Variants in ITFG1 observed in about 807,000 individuals in gnomAD.
ITFG1 encodes integrin alpha FG-GAP repeat containing 1.
In ITFG1, 34 loss-of-function variants were observed where a neutral mutation model predicts 81.8. The ratio of observed to expected loss-of-function variants is 0.42; its 90% CI spans 0.32 to 0.55. The LOEUF (loss-of-function observed/expected upper bound fraction) is 0.55, where lower values mean the gene tolerates loss of function less well. Among genes scored for constraint, ITFG1 ranks in the 20% least tolerant of loss-of-function variants. ITFG1 has a pLI of 0.17. For missense variants in ITFG1, 672 were observed against 755.4 expected, an observed-to-expected ratio of 0.89 and a Z score of 1.29; for synonymous variants, 285 against 270.6, an observed-to-expected ratio of 1.05 and a Z score of -0.52.
chr16:47,163,361 A>G lies in ITFG1; in HGVS notation c.1454-697T>C, dbSNP rs540394133. 2.0e-4 allele frequency among the ~76,000 whole-genome samples: 30 copies of G among 152,284 alleles called. No homozygotes were observed. In the East Asian group the frequency reaches 5.2e-3, roughly 26 times the overall value. ...GCTTTCTGACTCAATAGATTTGCCT[A>G]TTCTGAAGATTTCATATAAATGCAA... On this transcript the variant is annotated intron_variant, in intron 14 of 17. Coordinates refer to ENST00000320640, the MANE Select transcript of ITFG1 (RefSeq NM_030790.5).
chr16:47,430,812 A>G (rs1480483187), intron 5 of ITFG1, among the ~76,000 whole-genome samples: 1 of 152,210 alleles, frequency 6.6e-6, no homozygotes, highest in African/African-American at 2.4e-5. Flanking sequence ...CTGCATTTCT[A>G]CGCTTAGCTA....
chr16:47,431,494 G>C (rs565519939), intron 5 of ITFG1, among the ~76,000 whole-genome samples: 4 of 152,146 alleles, frequency 2.6e-5, no homozygotes, highest in Non-Finnish European at 5.9e-5. Flanking sequence ...CCTGTCCATG[G>C]AAAAACTGAG....
At chr16:47,327,908 G>A (rs949810943) in intron 8 of ITFG1, among the ~76,000 whole-genome samples, 24 of 152,230 alleles carry the variant, frequency 1.6e-4, no homozygotes, top group Admixed American at 1.0e-3. Context: ...TGTGGAAGTC[G>A]GTGTGGCAAT....
At chr16:47,180,345 TA>T (rs1965090363) in intron 14 of ITFG1, among the ~76,000 whole-genome samples, 1 of 151,754 alleles carries the variant, frequency 6.6e-6, no homozygotes, top group African/African-American at 2.4e-5. Context: ...GAAAATATGG[TA>T]TTATTGCCCT....
Position 47,370,033 on chromosome 16 carries a change from G to C in ITFG1, c.721-4164C>G, listed in dbSNP as rs1480819700. ...TTTTTTGTGTTTTTAGTACGGACGG[G>C]GTTTCACCGTGTTAACCAGGATGGT... On this transcript the variant is annotated intron_variant, in intron 7 of 17. Transcript: ENST00000320640. 2.0e-5 allele frequency among the ~76,000 whole-genome samples: 3 copies of C among 151,456 alleles called. No individual in the cohort carries two copies. In the East Asian group the frequency reaches 5.8e-4, roughly 29 times the overall value.
rs149610937 is a variant in ITFG1 at position 47,460,818 on chromosome 16, A to G, written c.208+20T>C. On this transcript the variant is annotated intron_variant, in intron 1 of 17. Coordinates refer to ENST00000320640, the MANE Select transcript of ITFG1 (RefSeq NM_030790.5). The stretch of plus-strand genomic sequence containing the variant: ...AGGCACACGGACAGCGAACAGAGGG[A>G]GGGCCCGGCAAGCACTGACTTTCCC... 288 of 1,610,222 alleles carry G rather than the reference A, an allele frequency of 1.8e-4. 3 individuals carry two copies. The African/African-American group carries it at 2.6e-3, about 15-fold the overall frequency.
At chr16:47,274,392 A>T (rs1174316792) in intron 10 of ITFG1, among the ~76,000 whole-genome samples, 1 of 152,184 alleles carries the variant, frequency 6.6e-6, no homozygotes, top group Non-Finnish European at 1.5e-5. Flanking sequence ...GTATTAAAGT[A>T]AGATTAAACC....
At chr16:47,322,454 C>T (rs977166157) in intron 8 of ITFG1, among the ~76,000 whole-genome samples, 3 of 152,156 alleles carry the variant, frequency 2.0e-5, no homozygotes, top group African/African-American at 7.2e-5. Flanking sequence ...TTTGGGACAC[C>T]GAGGTGGGTG....
At chr16:47,443,967 A>G (rs765580909) in intron 5 of ITFG1, among the ~76,000 whole-genome samples, 1 of 152,190 alleles carries the variant, frequency 6.6e-6, no homozygotes, top group Non-Finnish European at 1.5e-5. Flanking sequence ...GATCTAGTTC[A>G]TTCAATTTAC....
chr16:47,379,318 G>C (rs924867105), intron 6 of ITFG1, among the ~76,000 whole-genome samples: 1 of 152,138 alleles, frequency 6.6e-6, no homozygotes, highest in Non-Finnish European at 1.5e-5. Context: ...ATGAATCTCA[G>C]TCTCAAAGTC....
chr16:47,227,705 G>A (rs1048892550), intron 13 of ITFG1, among the ~76,000 whole-genome samples: 3 of 151,966 alleles, frequency 2.0e-5, no homozygotes, highest in African/African-American at 7.3e-5. Context: ...ATAGTGGAGC[G>A]CAAATAATAC....
At chr16:47,227,151 A>C (rs1284830198) in intron 13 of ITFG1, among the ~76,000 whole-genome samples, 2 of 152,214 alleles carry the variant, frequency 1.3e-5, no homozygotes, top group Non-Finnish European at 2.9e-5. Flanking sequence ...CCCATACGTC[A>C]TAGCATTAAA....
At chr16:47,340,494 A>G (rs565467892) in intron 8 of ITFG1, among the ~76,000 whole-genome samples, 3 of 152,340 alleles carry the variant, frequency 2.0e-5, no homozygotes, top group Admixed American at 2.0e-4. Context: ...TAGTTGTTAA[A>G]TGTAATACCC....
intron 10 of ITFG1, among the ~76,000 whole-genome samples, chr16:47,272,472 C>A (rs1238223238): frequency 6.6e-6 from 1 of 151,782 alleles, no homozygotes; most frequent in Non-Finnish European, 1.5e-5. Flanking sequence ...CTCGGTTCAC[C>A]GCAATCTCTG....
intron 10 of ITFG1, among the ~76,000 whole-genome samples, chr16:47,305,201 A>G (rs1220173469): frequency 6.6e-6 from 1 of 152,194 alleles, no homozygotes; most frequent in East Asian, 1.9e-4. Context: ...TCTGTAATTA[A>G]TGATGTGCTG....
intron 10 of ITFG1, among the ~76,000 whole-genome samples, chr16:47,303,574 CT>C (rs1465863857): frequency 5.3e-5 from 8 of 152,192 alleles, no homozygotes; most frequent in African/African-American, 1.9e-4. Context: ...CAGAAATACA[CT>C]TCCTGCTGAA....
At chr16:47,411,413 T>A (rs1433340037) in intron 6 of ITFG1, among the ~76,000 whole-genome samples, 2 of 152,108 alleles carry the variant, frequency 1.3e-5, no homozygotes, top group African/African-American at 4.8e-5. Context: ...AGAAGGAGAC[T>A]GGTGGAGGGA....
intron 10 of ITFG1, among the ~76,000 whole-genome samples, chr16:47,270,234 C>A (rs1250059551): frequency 6.6e-6 from 1 of 152,084 alleles, no homozygotes; most frequent in Non-Finnish European, 1.5e-5. Flanking sequence ...ATACTTCTCC[C>A]CTTTGAAAGA....
At chr16:47,457,449 T>C (rs1400373379) in intron 2 of ITFG1, among the ~76,000 whole-genome samples, 2 of 152,174 alleles carry the variant, frequency 1.3e-5, no homozygotes, top group South Asian at 2.1e-4. Flanking sequence ...TGGGACAATG[T>C]AGATAAATTA....
Sources: allele counts gnomAD v4.1 joint callset (sites outside exome capture counted in the v4.1 genomes callset), GRCh38; gene constraint gnomAD v4.1.1; transcripts MANE v1.5; gene names NCBI Gene and HGNC (gene_info 2026-07-23, HGNC 2026-07-21).